The following KCNB2 variants were observed in gnomAD, a reference collection of about 807,000 sequenced individuals.
KCNB2 encodes the protein delayed rectifier potassium channel protein.
In KCNB2, 15 loss-of-function variants were observed where a neutral mutation model predicts 61.5. The ratio of observed to expected loss-of-function variants is 0.24; its 90% confidence interval spans 0.16 to 0.38. The LOEUF (loss-of-function observed/expected upper bound fraction) is 0.38. Among genes scored for constraint, KCNB2 ranks in the 10% least tolerant of loss-of-function variants. KCNB2 has a pLI of 1.00. For missense variants in KCNB2, 828 were observed against 1,125.2 expected (o/e 0.74, Z 3.78); for synonymous variants, 457 against 446.0 (o/e 1.02, Z -0.31).
chr8:72,899,072 G>A (rs1386646554), intron 2 of KCNB2, among the ~76,000 whole-genome samples: 2 of 152,118 alleles, frequency 1.3e-5, no homozygotes, highest in East Asian at 3.8e-4. Flanking sequence ...ATCCTGGGAT[G>A]CAAGGCAGGT....
chr8:72,627,781 C>G (rs1805812820), intron 2 of KCNB2, among the ~76,000 whole-genome samples: 1 of 152,208 alleles, frequency 6.6e-6, no homozygotes, highest in Non-Finnish European at 1.5e-5. Flanking sequence ...TAATGACTTA[C>G]TAACTGCAGC....
intron 1 of KCNB2, among the ~76,000 whole-genome samples, chr8:72,561,715 ATATATATATATAT>A (rs1806519999): frequency 4.1e-5 from 1 of 24,526 alleles, no homozygotes; most frequent in South Asian, 1.0e-3. Context: ...ATATATATAT[ATATATATATATAT>A]CTATATCTAT....
At chr8:72,799,734 C>T (rs1347299425) in intron 2 of KCNB2, among the ~76,000 whole-genome samples, 1 of 151,956 alleles carries the variant, frequency 6.6e-6, no homozygotes, top group African/African-American at 2.4e-5. Flanking sequence ...GTACCAGATA[C>T]CGAAAGATGG....
chr8:72,756,993 T>C (rs1808300650), intron 2 of KCNB2, among the ~76,000 whole-genome samples: 1 of 152,028 alleles, frequency 6.6e-6, no homozygotes, highest in African/African-American at 2.4e-5. Flanking sequence ...CAGAGGAGAG[T>C]TGGGCCAGAA....
In KCNB2 at chr8:72,746,442, A is replaced by G. The variant is rs543618416; in HGVS notation, c.579+178129A>G. ...CAGAAGCTGCTGAAAACTCTTTAAA[A>G]TGTTCTTGTCTACTAAAGAAAAGAC... On this transcript the variant is annotated intron_variant, in intron 2 of 2. Transcript: ENST00000523207. 3.3e-5 allele frequency among the ~76,000 whole-genome samples: 5 copies of G among 152,256 alleles called. No individual in the cohort carries two copies. In the South Asian group the frequency reaches 1.0e-3, roughly 32 times the overall value.
intron 2 of KCNB2, among the ~76,000 whole-genome samples, chr8:72,811,092 T>C (rs995266580): frequency 2.6e-5 from 4 of 151,964 alleles, no homozygotes; most frequent in Admixed American, 2.0e-4. Flanking sequence ...ATATCTTACA[T>C]AGAATGTTTC....
chr8:72,595,828 G>A (rs187127925), intron 2 of KCNB2, among the ~76,000 whole-genome samples: 165 of 152,178 alleles, frequency 1.1e-3, no homozygotes, highest in African/African-American at 3.7e-3. Flanking sequence ...TCCAGCTCTC[G>A]CTTATTTCTG....
chr8:72,655,044 G>A (rs566739790), intron 2 of KCNB2, among the ~76,000 whole-genome samples: 25 of 152,176 alleles, frequency 1.6e-4, no homozygotes, highest in East Asian at 1.5e-3. Flanking sequence ...TGGAATCAAC[G>A]TAAATGCCCA....
intron 2 of KCNB2, among the ~76,000 whole-genome samples, chr8:72,692,758 C>A (rs1806958947): frequency 6.7e-6 from 1 of 149,054 alleles, no homozygotes. Context: ...TTTTATTATT[C>A]ATTATATTTT....
intron 2 of KCNB2, among the ~76,000 whole-genome samples, chr8:72,597,410 G>A (rs908356158): frequency 6.6e-6 from 1 of 152,108 alleles, no homozygotes; most frequent in South Asian, 2.1e-4. Flanking sequence ...TACAGCTTTT[G>A]GTTTTGTGTT....
At chr8:72,712,683 G>C (rs1807344792) in intron 2 of KCNB2, among the ~76,000 whole-genome samples, 1 of 152,148 alleles carries the variant, frequency 6.6e-6, no homozygotes, top group Non-Finnish European at 1.5e-5. Context: ...GTTGGCTCTT[G>C]AGCCAAGATG....
intron 2 of KCNB2, among the ~76,000 whole-genome samples, chr8:72,827,640 T>A (rs1049518892): frequency 1.6e-4 from 25 of 152,288 alleles, no homozygotes; most frequent in Admixed American, 6.5e-4. Context: ...AAGGCCTCAT[T>A]TTTTTCTGTA....
chr8:72,786,970 C>G (rs999575339), intron 2 of KCNB2, among the ~76,000 whole-genome samples: 1 of 152,114 alleles, frequency 6.6e-6, no homozygotes, highest in African/African-American at 2.4e-5. Context: ...GCCTAGAGCT[C>G]TTATTTCATT....
chr8:72,743,326 G>C (rs2128994779), intron 2 of KCNB2, among the ~76,000 whole-genome samples: 1 of 152,324 alleles, frequency 6.6e-6, no homozygotes, highest in East Asian at 1.9e-4. Flanking sequence ...ATTCTAGGCA[G>C]TTATGGCCCA....
intron 2 of KCNB2, among the ~76,000 whole-genome samples, chr8:72,745,595 C>T (rs182631222): frequency 1.3e-5 from 2 of 152,274 alleles, no homozygotes; most frequent in East Asian, 3.9e-4. Context: ...CCTCTCAGCA[C>T]ATTGATATGT....
intron 2 of KCNB2, among the ~76,000 whole-genome samples, chr8:72,647,798 G>A (rs899774859): frequency 6.6e-6 from 1 of 152,268 alleles, no homozygotes; most frequent in South Asian, 2.1e-4. Context: ...AATTATCTAA[G>A]TTAGGATTCT....
At chr8:72,634,820 A>G (rs1160055317) in intron 2 of KCNB2, among the ~76,000 whole-genome samples, 1 of 152,192 alleles carries the variant, frequency 6.6e-6, no homozygotes, top group Non-Finnish European at 1.5e-5. Flanking sequence ...TCTTAAGTAT[A>G]GTTGGAGAGT....
At chr8:72,596,820 G>C (rs1459643670) in intron 2 of KCNB2, among the ~76,000 whole-genome samples, 1 of 151,866 alleles carries the variant, frequency 6.6e-6, no homozygotes, top group African/African-American at 2.4e-5. Context: ...CTACTTTTTG[G>C]GGTTTTCCAA....
chr8:72,700,822 A>G (rs976650364), intron 2 of KCNB2, among the ~76,000 whole-genome samples: 1 of 152,194 alleles, frequency 6.6e-6, no homozygotes, highest in African/African-American at 2.4e-5. Context: ...TAACAAAGAT[A>G]TGAAATCAAC....
Sources: allele counts gnomAD v4.1 joint callset (sites outside exome capture counted in the v4.1 genomes callset), GRCh38; gene constraint gnomAD v4.1.1; transcripts MANE v1.5; gene names NCBI Gene and HGNC (gene_info 2026-07-23, HGNC 2026-07-21).